Variants in ART3 observed in about 807,000 individuals in gnomAD.
ART3 encodes the protein ADP-ribosyltransferase 3 (inactive).
ART3 carries 49 observed loss-of-function variants against 48.5 expected under a neutral mutation model. The ratio of observed to expected loss-of-function variants is 1.01; its 90% CI spans 0.80 to 1.28. The LOEUF is 1.28. Ranked by LOEUF, ART3 falls within the 50% of genes most tolerant of loss-of-function variation. ART3 has a pLI of 0.00. For synonymous variants in ART3, 145 were observed against 157.2 expected (o/e 0.92, Z 0.58); for missense variants, 438 against 454.3 (o/e 0.96, Z 0.33).
At chr4:76,059,763 A>C (rs556285062) in intron 1 of ART3, among the ~76,000 whole-genome samples, 1 of 152,338 alleles carries the variant, frequency 6.6e-6, no homozygotes, top group East Asian at 1.9e-4. Flanking sequence ...GCACAGGAGG[A>C]TTTACTTAAG....
At chr4:76,049,723 C>T (rs78523177) in intron 1 of ART3, among the ~76,000 whole-genome samples, 3,853 of 151,910 alleles carry the variant, frequency 0.025, 159 homozygotes, top group African/African-American at 0.086. Flanking sequence ...GCGATTGTCT[C>T]ACCGCTCGGC....
chr4:76,077,221 CTTTCTGTGTCTAT>C (rs1721305949), intron 2 of ART3, among the ~76,000 whole-genome samples: 1 of 152,170 alleles, frequency 6.6e-6, no homozygotes, highest in Non-Finnish European at 1.5e-5. Context: ...CCACTGTCTA[CTTTCTGTGTCTAT>C]GGTTTTGCCT....
rs752945641 is a variant in ART3 at position 76,107,772 on chromosome 4, C to T, written c.1015C>T (p.Gln339Ter). The T allele has an allele frequency of 5.5e-6, 8 of 1,463,490 alleles. No homozygotes were observed. In the South Asian group the frequency reaches 7.5e-5, roughly 14 times the overall value. 90.7% of individuals were successfully genotyped at this position (1,463,490 alleles called of 1,614,324 possible). Residue 339 changes from glutamine (Q) to a stop codon, truncating the protein, a stop_gained, in exon 11 of 12, where the codon CAA (glutamine) becomes TAA (stop). Coordinates refer to ENST00000355810, the MANE Select transcript of ART3 (RefSeq NM_001130016.3). LOFTEE classifies it low-confidence loss of function (END_TRUNC). ...EPFPLPEDKS[Q>*]GNINNPTPGP... is the part of the protein sequence containing the mutation. ...TCTTTATATTTTAGAAGATAAAAGTCAAGGAAATATCAACAATCCTAGTAA... is the reference window on the plus strand; with the variant it reads ...TCTTTATATTTTAGAAGATAAAAGTTAAGGAAATATCAACAATCCTAGTAA...
intron 1 of ART3, among the ~76,000 whole-genome samples, chr4:76,018,220 A>T (rs1274091862): frequency 6.6e-6 from 1 of 152,270 alleles, no homozygotes; most frequent in African/African-American, 2.4e-5. Flanking sequence ...GGTGGACTTC[A>T]TAAAGAAAAT....
chr4:76,064,617 T>C (rs1173833910), intron 1 of ART3, among the ~76,000 whole-genome samples: 1 of 152,118 alleles, frequency 6.6e-6, no homozygotes, highest in Non-Finnish European at 1.5e-5. Context: ...GCAAATGTTA[T>C]TACATTTTGA....
chr4:76,034,850 G>T, intron 1 of ART3: 1 of 1,547,610 alleles, frequency 6.5e-7, no homozygotes, highest in Non-Finnish European at 8.9e-7. Flanking sequence ...TATTTACTTG[G>T]GCTGTTCTTG....
At chr4:76,062,235 A>G (rs1465678504) in intron 1 of ART3, among the ~76,000 whole-genome samples, 1 of 152,230 alleles carries the variant, frequency 6.6e-6, no homozygotes, top group Non-Finnish European at 1.5e-5. Flanking sequence ...ATCCTGTTCC[A>G]GAGAGAGTAA....
chr4:76,063,249 C>T (rs1719404943), intron 1 of ART3, among the ~76,000 whole-genome samples: 1 of 152,044 alleles, frequency 6.6e-6, no homozygotes, highest in Non-Finnish European at 1.5e-5. Flanking sequence ...AGTGCTTGGC[C>T]TATAGTAGGT....
At chr4:76,084,085 G>A (rs1346092223) in intron 3 of ART3, among the ~76,000 whole-genome samples, 1 of 152,024 alleles carries the variant, frequency 6.6e-6, no homozygotes, top group Non-Finnish European at 1.5e-5. Context: ...TATCCAATCA[G>A]TAATTCACCT....
intron 1 of ART3, among the ~76,000 whole-genome samples, chr4:76,029,240 CT>C (rs1429890419): frequency 6.6e-6 from 1 of 152,186 alleles, no homozygotes; most frequent in Non-Finnish European, 1.5e-5. Flanking sequence ...TTTTCTTCAA[CT>C]TCTTATTGAC....
chr4:76,056,631 T>C (rs4422436), intron 1 of ART3, among the ~76,000 whole-genome samples: 88,977 of 151,906 alleles, frequency 0.59, 26,902 homozygotes, highest in East Asian at 0.94. Context: ...CCAGGAAAGG[T>C]GCAAAGTTCC....
rs543783852 is a variant in ART3, at chr4:76,050,606, G to A, written c.-9-25275G>A. 1.3e-3 allele frequency among the ~76,000 whole-genome samples: 200 copies of A among 152,330 alleles called. 1 individual carries two copies. The East Asian group carries it at 0.033, about 25-fold the overall frequency. On this transcript the variant is annotated intron_variant, in intron 1 of 9. Coordinates refer to the ART3 transcript ENST00000341029. Reference sequence around the variant, plus strand: ...CAGCTGGCTTCACGCAGTGGATCCCGCACCAGGGCTGCAGGTGGAGCTGCC... The same window carrying A: ...CAGCTGGCTTCACGCAGTGGATCCCACACCAGGGCTGCAGGTGGAGCTGCC...
intron 5 of ART3, chr4:76,099,696 A>G (rs548379091): frequency 6.5e-6 from 1 of 153,472 alleles, no homozygotes; most frequent in Admixed American, 6.5e-5. Context: ...GTTTACTATG[A>G]TTTAACTAAA....
At chr4:76,033,500 T>A (rs1734063118) in intron 1 of ART3, among the ~76,000 whole-genome samples, 1 of 152,090 alleles carries the variant, frequency 6.6e-6, no homozygotes, top group African/African-American at 2.4e-5. Flanking sequence ...TTTCTCCAAG[T>A]AAGAAGGGGG....
intron 3 of ART3, among the ~76,000 whole-genome samples, chr4:76,085,602 G>A (rs1723372337): frequency 6.6e-6 from 1 of 152,104 alleles, no homozygotes; most frequent in Admixed American, 6.5e-5. Context: ...AGTAAATTTG[G>A]TTGAAAGAAA....
rs138725152 is a variant in ART3 at position 76,037,571 on chromosome 4, A to G, written c.-10+26251A>G. 4.2e-4 allele frequency among the ~76,000 whole-genome samples: 64 copies of G among 152,216 alleles called. No individual in the cohort carries two copies. In the Middle Eastern group the frequency reaches 0.014, roughly 32 times the overall value. On this transcript the variant is annotated intron_variant, in intron 1 of 9. Transcript: ENST00000341029. ...CAGCCATGAACTCCAGGCCTCAAGCAATCCTCCTGCCTTGGTCTCCCAAAG... is the reference window on the plus strand; with the variant it reads ...CAGCCATGAACTCCAGGCCTCAAGCGATCCTCCTGCCTTGGTCTCCCAAAG...
At chr4:76,103,523 G>A (rs982319123) in intron 8 of ART3, among the ~76,000 whole-genome samples, 18 of 152,236 alleles carry the variant, frequency 1.2e-4, no homozygotes, top group Non-Finnish European at 1.5e-5. Flanking sequence ...ACAAACCTAA[G>A]AGGTAAATAT....
At chr4:76,100,948 T>C (rs1268658765) in intron 7 of ART3, 42 bp from the exon 8 acceptor site, 1 of 1,609,384 alleles carries the variant, frequency 6.2e-7, no homozygotes, top group Non-Finnish European at 8.5e-7. Flanking sequence ...CCAATTCTTT[T>C]GTTCCATTGT....
intron 3 of ART3, among the ~76,000 whole-genome samples, chr4:76,089,608 C>G (rs1019238595): frequency 3.9e-5 from 6 of 152,134 alleles, no homozygotes; most frequent in Admixed American, 3.3e-4. Context: ...AAACTCCTTT[C>G]TTTATAAATT....
Sources: allele counts gnomAD v4.1 joint callset (sites outside exome capture counted in the v4.1 genomes callset), GRCh38; gene constraint gnomAD v4.1.1; transcripts MANE v1.5; gene names NCBI Gene and HGNC (gene_info 2026-07-23, HGNC 2026-07-21).